The following PCDHA9 variants were observed in gnomAD, a reference collection of about 807,000 sequenced individuals.
The protein encoded by PCDHA9 is protocadherin alpha 9, also known as protocadherin alpha-9.
Under a neutral mutation model 62.0 loss-of-function variants are expected in PCDHA9, and 62 were observed. The ratio of observed to expected loss-of-function variants is 1.00; its 90% CI spans 0.81 to 1.23. The LOEUF (loss-of-function observed/expected upper bound fraction) is 1.23, where lower values mean the gene tolerates loss of function less well. PCDHA9 is among the 50% of genes most tolerant of loss of function. PCDHA9 has a pLI of 0.00. For synonymous variants in PCDHA9, 557 were observed against 567.6 expected (o/e 0.98, Z 0.27); for missense variants, 1,205 against 1,249.8 (o/e 0.96, Z 0.54).
At chr5:140,877,924 A>T in intron 1 of PCDHA9, 1 of 1,419,290 alleles carries the variant, frequency 7.0e-7, no homozygotes, top group Non-Finnish European at 9.3e-7. Flanking sequence ...ATTTTTCTTT[A>T]TGATTCTATC....
rs183321523 is a variant in PCDHA9 at position 140,948,382 on chromosome 5, A to G, written c.2395-30567A>G. Among the ~76,000 whole-genome samples the G allele has an allele frequency of 1.2e-3, 182 of 151,516 alleles. 1 individual carries two copies. Among genetic ancestry groups the G allele is most frequent in the African/African-American group, 3.9e-3 (163 of 41,496 alleles). ...TGACTTAGGAGGTGTTCCTTCCTCT[A>G]TTTTCTGAAAGGTTGTGTAATATTG... On this transcript the variant is annotated intron_variant, in intron 1 of 3. Coordinates refer to ENST00000532602, the MANE Select transcript of PCDHA9 (RefSeq NM_031857.2).
intron 3 of PCDHA9, among the ~76,000 whole-genome samples, chr5:140,991,069 G>T (rs1156985445): frequency 6.6e-6 from 1 of 152,136 alleles, no homozygotes; most frequent in Non-Finnish European, 1.5e-5. Flanking sequence ...TTATTCCCAT[G>T]TTTCAGATAA....
At chr5:140,897,560 T>C (rs1398247980) in intron 1 of PCDHA9, among the ~76,000 whole-genome samples, 1 of 152,200 alleles carries the variant, frequency 6.6e-6, no homozygotes, top group Non-Finnish European at 1.5e-5. Flanking sequence ...GGTGTATATG[T>C]GCCACATTTT....
chr5:140,927,587 T>C (rs1411741184), intron 1 of PCDHA9: 1 of 1,614,044 alleles, frequency 6.2e-7, no homozygotes, highest in African/African-American at 1.3e-5. Flanking sequence ...AACGCGCCTG[T>C]ATTTGAGCGC....
At chr5:140,966,756 G>A (rs1476318654) in intron 1 of PCDHA9, 9 of 1,437,232 alleles carry the variant, frequency 6.3e-6, no homozygotes, top group Non-Finnish European at 8.2e-6. Flanking sequence ...CCTCCGCCGC[G>A]GCCAGTGGCT....
chr5:140,995,498 CTG>C (rs1554254703), intron 3 of PCDHA9, among the ~76,000 whole-genome samples: 5 of 152,150 alleles, frequency 3.3e-5, no homozygotes, highest in Non-Finnish European at 5.9e-5. Context: ...CTAAGGTTGA[CTG>C]TGGGTAACTG....
chr5:141,009,833 G>A lies in PCDHA9; in HGVS notation c.2749G>A (p.Gly917Ser), dbSNP rs782642898. The A allele has an allele frequency of 8.7e-6, 14 of 1,613,366 alleles. No homozygotes were observed. The highest frequency in any genetic ancestry group is 2.7e-5 in the African/African-American group (2 of 74,746). ...TGACAAAAGTGACTTCATAACCTTC[G>A]GCAAAAAGGAGGAGACCAAGAAAAA... ...QIDKSDFITF[G>S]KKEETKKKKK... Residue 917 changes from glycine (G) to serine (S), a missense_variant, in exon 4 of 4, where the codon GGC (glycine) becomes AGC (serine). Physicochemically the swap from Gly to Ser is moderately conservative, Grantham distance 56 (BLOSUM62 0). Around this residue, in one of 3 missense-constraint regions of PCDHA9, gnomAD observed 887 missense variants for 809.5 expected, o/e 1.10. Coordinates refer to ENST00000532602, the MANE Select transcript of PCDHA9 (RefSeq NM_031857.2).
At chr5:140,966,914 G>A in intron 1 of PCDHA9, 1 of 1,602,270 alleles carries the variant, frequency 6.2e-7, no homozygotes, top group Non-Finnish European at 8.5e-7. Context: ...CTCTGTGCCA[G>A]AGGAGCAGGC....
rs971447494 is a variant in PCDHA9, at chr5:140,855,570, A to G, written c.2394+4681A>G. 1.4e-4 allele frequency among the ~76,000 whole-genome samples: 21 copies of G among 149,936 alleles called. 2 individuals carry two copies. Among genetic ancestry groups the G allele is most frequent in the African/African-American group, 5.1e-4 (21 of 40,914 alleles). ...GAACTTAAATGGAACTAAAGTTGTCATTTAATAAAATATTAGTATACTCAG... is the reference window on the plus strand; with the variant it reads ...GAACTTAAATGGAACTAAAGTTGTCGTTTAATAAAATATTAGTATACTCAG... On this transcript the variant is annotated intron_variant, in intron 1 of 3. Transcript: ENST00000532602.
chr5:140,857,478 C>G (rs782202072), intron 1 of PCDHA9: 1 of 1,598,590 alleles, frequency 6.3e-7, no homozygotes, highest in Non-Finnish European at 8.6e-7. Context: ...TTCACGGTGT[C>G]TGCGTGGGAC....
intron 3 of PCDHA9, among the ~76,000 whole-genome samples, chr5:141,001,177 T>G (rs2097996689): frequency 6.6e-6 from 1 of 152,154 alleles, no homozygotes; most frequent in Non-Finnish European, 1.5e-5. Context: ...TAACGAGTTT[T>G]TACTTTGCAC....
chr5:140,949,636 T>A (rs1047386786), intron 1 of PCDHA9, among the ~76,000 whole-genome samples: 1 of 151,898 alleles, frequency 6.6e-6, no homozygotes, highest in Admixed American at 6.6e-5. Context: ...GGCATATTGC[T>A]TTTTGTTCAT....
At chr5:140,857,991 T>A (rs1554150990) in intron 1 of PCDHA9, 1 of 1,596,560 alleles carries the variant, frequency 6.3e-7, no homozygotes. Context: ...CGCCTACTGG[T>A]GCTGGTGAAG....
At chr5:140,883,379 C>G in intron 1 of PCDHA9, 1 of 1,614,182 alleles carries the variant, frequency 6.2e-7, no homozygotes, top group Non-Finnish European at 8.5e-7. Flanking sequence ...CATTATTGCC[C>G]TAATCAGTGT....
At chr5:140,905,622 T>G (rs962403940) in intron 1 of PCDHA9, among the ~76,000 whole-genome samples, 3 of 152,236 alleles carry the variant, frequency 2.0e-5, no homozygotes, top group Non-Finnish European at 4.4e-5. Context: ...AGATTGCTTT[T>G]GACAGTATGG....
intron 1 of PCDHA9, chr5:140,926,761 T>G: frequency 7.6e-7 from 1 of 1,323,628 alleles, no homozygotes; most frequent in East Asian, 2.8e-5. Context: ...TCGCTGAGTA[T>G]CCAGCCCGCA....
intron 3 of PCDHA9, among the ~76,000 whole-genome samples, chr5:141,007,475 C>T (rs575810038): frequency 1.2e-4 from 18 of 151,396 alleles, no homozygotes; most frequent in Non-Finnish European, 2.1e-4. Flanking sequence ...GGCTGAGGCA[C>T]GAGAATTACT....
At chr5:140,967,560 A>C (rs2096156699) in intron 1 of PCDHA9, 2 of 1,613,966 alleles carry the variant, frequency 1.2e-6, no homozygotes, top group Non-Finnish European at 1.7e-6. Context: ...TATCGCGTCC[A>C]GCTACGGGAG....
At chr5:140,877,380 C>T (rs372220347) in intron 1 of PCDHA9, 25 of 1,613,862 alleles carry the variant, frequency 1.5e-5, no homozygotes, top group Middle Eastern at 1.6e-4. Context: ...CGACACGCAT[C>T]CTGGATGAGG....
Sources: allele counts gnomAD v4.1 joint callset (sites outside exome capture counted in the v4.1 genomes callset), GRCh38; gene constraint gnomAD v4.1.1; regional missense constraint gnomAD v4.1.1; transcripts MANE v1.5; gene names NCBI Gene and HGNC (gene_info 2026-07-23, HGNC 2026-07-21).